The following NDUFAF2 variants were observed in gnomAD, a reference collection of about 807,000 sequenced individuals.
NDUFAF2 encodes NADH:ubiquinone oxidoreductase complex assembly factor 2, also known as NADH dehydrogenase [ubiquinone] 1 alpha subcomplex assembly factor 2.
A neutral mutation model predicts 22.8 loss-of-function variants in NDUFAF2; 13 were observed. That is an observed-to-expected ratio of 0.57 (90% confidence interval 0.37 to 0.91). NDUFAF2 has a LOEUF of 0.91. Among genes scored for constraint, NDUFAF2 ranks in the 40% least tolerant of loss-of-function variants. The pLI, the probability that NDUFAF2 is intolerant of heterozygous loss-of-function variation, is 0.01. For missense variants in NDUFAF2, 162 were observed against 195.2 expected, an observed-to-expected ratio of 0.83 and a Z score of 1.01; for synonymous variants, 53 against 64.2, an observed-to-expected ratio of 0.83 and a Z score of 0.84.
chr5:60,991,138 C>T (rs1485057433), intron 1 of NDUFAF2, among the ~76,000 whole-genome samples: 2 of 151,880 alleles, frequency 1.3e-5, no homozygotes, highest in Non-Finnish European at 2.9e-5. Context: ...TAAAGTTTCA[C>T]CTGTTTTTCT....
chr5:61,046,189 T>G (rs1012026405), intron 1 of NDUFAF2, among the ~76,000 whole-genome samples: 1 of 152,148 alleles, frequency 6.6e-6, no homozygotes, highest in Non-Finnish European at 1.5e-5. Flanking sequence ...GAATGATCCT[T>G]TTAATATGAT....
chr5:61,113,657 G>A (rs1394079327), intron 3 of NDUFAF2, among the ~76,000 whole-genome samples: 4 of 152,112 alleles, frequency 2.6e-5, no homozygotes, highest in African/African-American at 4.8e-5. Context: ...ATGTGAAGAA[G>A]GACATGTTTG....
rs527716907 is a variant in NDUFAF2, at chr5:61,139,611, T to C, written c.259-13093T>C. ...TTTTTCTGTTTCCTACCATGGTTAA[T>C]GGCATTATCTGTTGATAGCGACAGG... On this transcript the variant is annotated intron_variant, in intron 3 of 3. Coordinates refer to ENST00000296597, the MANE Select transcript of NDUFAF2 (RefSeq NM_174889.5). 2.3e-3 allele frequency among the ~76,000 whole-genome samples: 355 copies of C among 152,352 alleles called. 1 individual carries two copies. Among genetic ancestry groups the C allele is most frequent in the Non-Finnish European group, 4.2e-3 (283 of 68,042 alleles).
intron 3 of NDUFAF2, among the ~76,000 whole-genome samples, chr5:61,128,254 A>G (rs1308267939): frequency 6.6e-6 from 1 of 152,122 alleles, no homozygotes; most frequent in African/African-American, 2.4e-5. Flanking sequence ...TGCCATCCCC[A>G]TCAAGCTACC....
intron 1 of NDUFAF2, among the ~76,000 whole-genome samples, chr5:61,029,005 C>T (rs1161471208): frequency 6.6e-6 from 1 of 150,818 alleles, no homozygotes; most frequent in East Asian, 2.1e-4. Flanking sequence ...GAACTCTGTG[C>T]CCTTATAAAA....
intron 1 of NDUFAF2, among the ~76,000 whole-genome samples, chr5:61,007,343 A>G (rs1045808575): frequency 1.3e-5 from 2 of 152,048 alleles, no homozygotes; most frequent in African/African-American, 4.8e-5. Context: ...ATGGCTAGCC[A>G]GTTTTCCCAG....
intron 1 of NDUFAF2, among the ~76,000 whole-genome samples, chr5:60,977,587 G>C (rs55738840): frequency 0.39 from 58,615 of 151,828 alleles, 12,308 homozygotes; most frequent in East Asian, 0.8. Flanking sequence ...CCAGTAATCA[G>C]CACTTTGGAA....
chr5:61,110,905 T>TGAA (rs1455283527), intron 3 of NDUFAF2, among the ~76,000 whole-genome samples: 1 of 152,072 alleles, frequency 6.6e-6, no homozygotes, highest in East Asian at 1.9e-4. Context: ...TAACTTTCAT[T>TGAA]GTCAGGTTAG....
chr5:61,110,612 G>GT (rs1752828071), intron 3 of NDUFAF2, among the ~76,000 whole-genome samples: 1 of 151,912 alleles, frequency 6.6e-6, no homozygotes, highest in African/African-American at 2.4e-5. Flanking sequence ...TTGGCTTATA[G>GT]TTGCTCATAG....
chr5:60,983,000 G>A (rs1191332170), intron 1 of NDUFAF2, among the ~76,000 whole-genome samples: 1 of 151,288 alleles, frequency 6.6e-6, no homozygotes, highest in Admixed American at 6.6e-5. Context: ...GGTTGAACTA[G>A]TTTACGGTCC....
chr5:61,071,592 C>A (rs908817525), intron 1 of NDUFAF2, among the ~76,000 whole-genome samples: 4 of 152,164 alleles, frequency 2.6e-5, no homozygotes, highest in African/African-American at 9.7e-5. Flanking sequence ...AGGTTAATTT[C>A]TTTAATTATG....
chr5:61,139,438 G>A (rs1354775438), intron 3 of NDUFAF2, among the ~76,000 whole-genome samples: 5 of 152,184 alleles, frequency 3.3e-5, no homozygotes, highest in African/African-American at 1.2e-4. Flanking sequence ...GTCAGGGACC[G>A]TCTGTATAGT....
intron 3 of NDUFAF2, among the ~76,000 whole-genome samples, chr5:61,127,025 A>G (rs1432075406): frequency 6.6e-6 from 1 of 152,210 alleles, no homozygotes. Context: ...CAAATAAACT[A>G]GAAAATCTAG....
At chr5:60,996,123 T>A (rs1174480965) in intron 1 of NDUFAF2, among the ~76,000 whole-genome samples, 1 of 152,110 alleles carries the variant, frequency 6.6e-6, no homozygotes, top group African/African-American at 2.4e-5. Flanking sequence ...AAGAACCTGC[T>A]TGGTGCTGTA....
At chr5:60,977,472 A>G (rs1750917465) in intron 1 of NDUFAF2, among the ~76,000 whole-genome samples, 1 of 151,956 alleles carries the variant, frequency 6.6e-6, no homozygotes, top group African/African-American at 2.4e-5. Context: ...GTTGTTGGAG[A>G]TTGGTATATA....
intron 1 of NDUFAF2, among the ~76,000 whole-genome samples, chr5:60,950,304 A>C (rs1750526950): frequency 6.6e-6 from 1 of 152,056 alleles, no homozygotes; most frequent in Non-Finnish European, 1.5e-5. Flanking sequence ...TTTCTGCCTC[A>C]GCCTCCTGAG....
At chr5:61,055,401 A>G (rs1427174227) in intron 1 of NDUFAF2, among the ~76,000 whole-genome samples, 1 of 152,248 alleles carries the variant, frequency 6.6e-6, no homozygotes, top group Non-Finnish European at 1.5e-5. Flanking sequence ...TCAAGTGGTA[A>G]AGTAACTCTA....
intron 1 of NDUFAF2, among the ~76,000 whole-genome samples, chr5:60,985,412 T>C (rs1260389890): frequency 6.6e-6 from 1 of 152,198 alleles, no homozygotes; most frequent in African/African-American, 2.4e-5. Flanking sequence ...TGCTCTGATC[T>C]TAGTTATTTC....
intron 1 of NDUFAF2, among the ~76,000 whole-genome samples, chr5:61,051,999 A>G (rs1752030383): frequency 6.6e-6 from 1 of 152,166 alleles, no homozygotes; most frequent in African/African-American, 2.4e-5. Context: ...AAGTATAACT[A>G]TTTTTTCTTT....
Sources: allele counts gnomAD v4.1 joint callset (sites outside exome capture counted in the v4.1 genomes callset), GRCh38; gene constraint gnomAD v4.1.1; transcripts MANE v1.5; gene names NCBI Gene and HGNC (gene_info 2026-07-23, HGNC 2026-07-21).